The following IFFO2 variants were observed in gnomAD, a reference collection of about 807,000 sequenced individuals.
IFFO2 encodes intermediate filament family orphan 2.
IFFO2 carries 19 observed loss-of-function variants against 53.5 expected under a neutral mutation model. The ratio of observed to expected loss-of-function variants is 0.36; its 90% CI spans 0.25 to 0.52. IFFO2 has a LOEUF of 0.52. Among genes scored for constraint, IFFO2 ranks in the 20% least tolerant of loss-of-function variants. IFFO2 has a pLI of 0.94. For missense variants in IFFO2, 570 were observed against 727.4 expected, an observed-to-expected ratio of 0.78 and a Z score of 2.49; for synonymous variants, 303 against 313.6, an observed-to-expected ratio of 0.97 and a Z score of 0.36.
chr1:18,916,938 G>A lies in IFFO2; in HGVS notation c.1068C>T (p.Asn356=), dbSNP rs1437407358. Residue 356 remains asparagine (N), a synonymous_variant, in exon 5 of 9, where the codon AAC becomes AAT. Transcript: ENST00000455833. This position sits in a 1 kb window ranked among gnomAD's most constrained non-coding sequence, Gnocchi z 4.3. ...RFSDDEVGSM[N]ITDEMKRMFN... is the part of the protein sequence containing the mutation. ...ACATGCGCTTCATCTCATCGGTGATGTTCATGGAGCCGACCTCATCGTCCG... is the reference window on the plus strand; with the variant it reads ...ACATGCGCTTCATCTCATCGGTGATATTCATGGAGCCGACCTCATCGTCCG... The A allele has an allele frequency of 2.1e-5, 33 of 1,551,838 alleles. No homozygotes were observed. Among genetic ancestry groups the A allele is most frequent in the Non-Finnish European group, 2.6e-5 (30 of 1,147,068 alleles).
At chr1:18,925,075 T>G (rs1195898319) in intron 1 of IFFO2, among the ~76,000 whole-genome samples, 1 of 151,822 alleles carries the variant, frequency 6.6e-6, no homozygotes, top group Non-Finnish European at 1.5e-5. Flanking sequence ...CAAATCCTTC[T>G]CTTTTCTAGC....
At position 18,906,310 on chromosome 1, in the gene IFFO2, A is replaced by C. The variant is rs1341555221; in HGVS notation, c.*2251T>G. 6.6e-6 allele frequency: 1 copy of C among 152,146 alleles called. No homozygotes were observed. The highest frequency in any genetic ancestry group is 2.4e-5 in the African/African-American group (1 of 41,416). The allele number at this position is 152,146 out of a possible 1,614,324, so 9.4% of individuals were successfully genotyped here. A position where few individuals can be genotyped will look rare whatever the true frequency, so the allele number is the denominator to read the frequency against. ...ATACAAGGAGGAAAGTAAAAATAAT[A>C]CCGCCGGACACCGATAACCACAGTA... On this transcript the variant is annotated 3_prime_UTR_variant, in exon 9 of 9. Coordinates refer to ENST00000455833, the MANE Select transcript of IFFO2 (RefSeq NM_001136265.2).
intron 5 of IFFO2, among the ~76,000 whole-genome samples, chr1:18,913,306 G>C (rs1305361953): frequency 6.6e-6 from 1 of 152,274 alleles, no homozygotes; most frequent in African/African-American, 2.4e-5. Context: ...GCTGGTAGGG[G>C]GTGGGTGCTG....
rs58010345 is a variant in IFFO2 at position 18,936,955 on chromosome 1, CAAAA to C, written c.666-15838_666-15835del. Among the ~76,000 whole-genome samples, 3 of 137,808 alleles carry C rather than the reference CAAAA, an allele frequency of 2.2e-5. No individual in the cohort carries two copies. The highest frequency in any genetic ancestry group is 8.0e-5 in the African/African-American group (3 of 37,326). The allele number at this position is 137,808 out of a possible 152,430, so 90.4% of individuals were successfully genotyped here. A position where few individuals can be genotyped will look rare whatever the true frequency, so the allele number is the denominator to read the frequency against. ...AAACACAAACTGGCTGCAGGTGGGG[CAAAA>C]AAAAAAAAAAAGCACAGAACACAGG... On this transcript the variant is annotated intron_variant, in intron 1 of 8. Transcript: ENST00000455833. This position sits in a 1 kb window ranked among gnomAD's most constrained non-coding sequence, Gnocchi z 4.5.
At chr1:18,953,754 A>T (rs748253469) in intron 1 of IFFO2, among the ~76,000 whole-genome samples, 1 of 152,216 alleles carries the variant, frequency 6.6e-6, no homozygotes, top group African/African-American at 2.4e-5. Flanking sequence ...GCACCGTCTC[A>T]TTCCAGGCCA....
chr1:18,947,070 G>A lies in IFFO2; in HGVS notation c.665+8598C>T, dbSNP rs750641733. Among the ~76,000 whole-genome samples the A allele has an allele frequency of 9.9e-5, 15 of 152,060 alleles. No homozygotes were observed. The East Asian group carries it at 1.2e-3, about 12-fold the overall frequency. On this transcript the variant is annotated intron_variant, in intron 1 of 8. Transcript: ENST00000455833. This position sits in a 1 kb window ranked among gnomAD's most constrained non-coding sequence, Gnocchi z 5.0. Reference sequence around the variant, plus strand: ...TCTCGAGGGCAGGGGCCTGGCCCACGGTGGGTACTCAGCCACTGTTCTGAA... The same window carrying A: ...TCTCGAGGGCAGGGGCCTGGCCCACAGTGGGTACTCAGCCACTGTTCTGAA...
At chr1:18,913,776 G>A (rs981851069) in intron 5 of IFFO2, among the ~76,000 whole-genome samples, 17 of 152,298 alleles carry the variant, frequency 1.1e-4, no homozygotes, top group African/African-American at 3.1e-4. Context: ...AATGGGGGTG[G>A]GGGGTGATCA....
At chr1:18,929,523 G>A (rs1050054881) in intron 1 of IFFO2, among the ~76,000 whole-genome samples, 2 of 152,150 alleles carry the variant, frequency 1.3e-5, no homozygotes, top group African/African-American at 2.4e-5. Flanking sequence ...CGCCAGGCAG[G>A]GGGGATGAGC....
Position 18,955,903 on chromosome 1 carries a change from G to A in IFFO2, c.430C>T (p.Pro144Ser). The A allele has an allele frequency of 3.0e-6, 4 of 1,341,892 alleles. No individual in the cohort carries two copies. Among genetic ancestry groups the A allele is most frequent in the East Asian group, 3.1e-5 (1 of 32,028 alleles). The allele number at this position is 1,341,892 out of a possible 1,614,324, so 83.1% of individuals were successfully genotyped here. ...NANAVALGGL[P>S]PGGGSHPQHY... ...TGCGGGTGCGAGCCGCCGCCGGGGG[G>A]CAGGCCGCCCAGGGCCACGGCATTG... is the stretch of plus-strand genomic sequence containing the variant. Residue 144 changes from proline (P) to serine (S), a missense_variant, in exon 1 of 9, where the codon CCC becomes TCC. By Grantham distance (74) the Pro-to-Ser change is moderately conservative. Coordinates refer to ENST00000455833, the MANE Select transcript of IFFO2 (RefSeq NM_001136265.2).
intron 5 of IFFO2, among the ~76,000 whole-genome samples, chr1:18,912,436 A>G (rs1936055215): frequency 6.6e-6 from 1 of 152,176 alleles, no homozygotes; most frequent in South Asian, 2.1e-4. Flanking sequence ...GAGATGTTCA[A>G]TATAATATCA....
chr1:18,913,420 C>A (rs758711053), intron 5 of IFFO2, among the ~76,000 whole-genome samples: 8 of 152,254 alleles, frequency 5.3e-5, no homozygotes, highest in Non-Finnish European at 1.0e-4. Flanking sequence ...CTGAAGGAAA[C>A]CCCAGCCGAG....
chr1:18,951,757 G>C (rs1936662626), intron 1 of IFFO2, among the ~76,000 whole-genome samples: 1 of 152,216 alleles, frequency 6.6e-6, no homozygotes, highest in Non-Finnish European at 1.5e-5. Context: ...GGTTAAGCCT[G>C]GGGATGGGAT....
At chr1:18,946,017 G>A (rs1936583563) in intron 1 of IFFO2, among the ~76,000 whole-genome samples, 2 of 152,202 alleles carry the variant, frequency 1.3e-5, no homozygotes, top group Admixed American at 1.3e-4. Flanking sequence ...AACATAGCAG[G>A]TTTCTGTCCA....
rs1172267706 is a variant in IFFO2 at position 18,917,759 on chromosome 1, C to A, written c.963+603G>T. Among the ~76,000 whole-genome samples the A allele has an allele frequency of 6.6e-6, 1 of 152,168 alleles. No individual in the cohort carries two copies. The highest frequency in any genetic ancestry group is 1.5e-5 in the Non-Finnish European group (1 of 68,026). On this transcript the variant is annotated intron_variant, in intron 4 of 8. Coordinates refer to ENST00000455833, the MANE Select transcript of IFFO2 (RefSeq NM_001136265.2). The surrounding 1 kb of genome is among the most constrained non-coding windows in gnomAD (Gnocchi z 5.9). The stretch of plus-strand genomic sequence containing the variant: ...TGCCTCATTCGGCTGGACTGGCCCC[C>A]CAAGCCCTCTCTGGAAGACAGCCTC...
At chr1:18,937,765 C>T (rs904986296) in intron 1 of IFFO2, among the ~76,000 whole-genome samples, 11 of 152,232 alleles carry the variant, frequency 7.2e-5, no homozygotes, top group Non-Finnish European at 1.5e-4. Context: ...CTGGCCCAGC[C>T]GCCACTGGAG....
At chr1:18,915,437 G>A (rs1225912144) in intron 5 of IFFO2, among the ~76,000 whole-genome samples, 1 of 152,108 alleles carries the variant, frequency 6.6e-6, no homozygotes, top group African/African-American at 2.4e-5. Flanking sequence ...ACATCACTGA[G>A]CCTGGAGTGG....
rs536971463 is a variant in IFFO2, at chr1:18,954,967, T to C, written c.665+701A>G. Among the ~76,000 whole-genome samples, 4 of 152,298 alleles carry C rather than the reference T, an allele frequency of 2.6e-5. No individual in the cohort carries two copies. The South Asian group carries it at 8.3e-4, about 32-fold the overall frequency. On this transcript the variant is annotated intron_variant, in intron 1 of 8. Transcript: ENST00000455833. ...AGAAGAGGGATGAAAGGAGGCATTT[T>C]ATAAAAGCTTGTGAGCAGTCTGTTG...
rs148460660 is a variant in IFFO2 at position 18,920,301 on chromosome 1, C to A, written c.727-528G>T. Among the ~76,000 whole-genome samples, 154 of 152,242 alleles carry A rather than the reference C, an allele frequency of 1.0e-3. No individual in the cohort carries two copies. The Middle Eastern group carries it at 0.014, about 13-fold the overall frequency. ...CCGTTAAATTTATAAAGAAAAAAGC[C>A]CTTTCATTATAAAAGAAAGGGAGAT... On this transcript the variant is annotated intron_variant, in intron 2 of 8. Transcript: ENST00000455833.
chr1:18,926,942 G>A (rs1294409115), intron 1 of IFFO2, among the ~76,000 whole-genome samples: 2 of 152,144 alleles, frequency 1.3e-5, no homozygotes, highest in African/African-American at 4.8e-5. Context: ...CTCCAGGGAC[G>A]AACCTGGGGC....
Sources: gnomAD v4.1 joint callset for allele counts (sites outside exome capture counted in the v4.1 genomes callset) on GRCh38, gnomAD v4.1.1 for gene constraint, Gnocchi (gnomAD v3.1) non-coding constraint, MANE v1.5 for transcripts, NCBI Gene and HGNC (gene_info 2026-07-23, HGNC 2026-07-21) for gene names.